The following PAIP2 variants were observed in gnomAD, a reference collection of about 807,000 sequenced individuals.
The protein encoded by PAIP2 is poly(A) binding protein interacting protein 2.
Under a neutral mutation model 14.8 loss-of-function variants are expected in PAIP2, and 7 were observed. That is an observed-to-expected ratio of 0.47 (90% confidence interval 0.27 to 0.89). PAIP2 has a LOEUF of 0.89. Ranked by LOEUF, PAIP2 falls within the 40% of genes least tolerant of loss-of-function variation. The pLI, the probability that PAIP2 is intolerant of heterozygous loss-of-function variation, is 0.13. For missense variants in PAIP2, 122 were observed against 154.7 expected (o/e 0.79, Z 1.12); for synonymous variants, 47 against 45.3 (o/e 1.04, Z -0.15).
intron 1 of PAIP2, 75 bp from the exon 2 acceptor site, chr5:139,363,681 TGAC>T: frequency 7.9e-7 from 1 of 1,264,992 alleles, no homozygotes; most frequent in Non-Finnish European, 1.1e-6. Flanking sequence ...CCAGCCTGGA[TGAC>T]GGAGTGAAAC....
chr5:139,357,109 C>T (rs548192525), intron 1 of PAIP2, among the ~76,000 whole-genome samples: 1 of 151,940 alleles, frequency 6.6e-6, no homozygotes, highest in African/African-American at 2.4e-5. Context: ...TTTTTAAATG[C>T]CTTTAAGCAA....
intron 1 of PAIP2, among the ~76,000 whole-genome samples, chr5:139,362,515 A>G (rs1053033359): frequency 5.3e-5 from 8 of 151,084 alleles, no homozygotes; most frequent in Non-Finnish European, 8.8e-5. Flanking sequence ...GGTTCAAGCA[A>G]TTCTCCTGCC....
At chr5:139,355,893 G>A (rs1756895360) in intron 1 of PAIP2, among the ~76,000 whole-genome samples, 1 of 150,616 alleles carries the variant, frequency 6.6e-6, no homozygotes, top group Admixed American at 6.6e-5. Context: ...GCTCACGCCT[G>A]TAATCCTAGC....
At chr5:139,351,011 T>C (rs546629248) in intron 1 of PAIP2, among the ~76,000 whole-genome samples, 41 of 152,074 alleles carry the variant, frequency 2.7e-4, no homozygotes, top group Non-Finnish European at 4.3e-4. Flanking sequence ...TATAAAAATA[T>C]TGAGAGAAAA....
intron 1 of PAIP2, among the ~76,000 whole-genome samples, chr5:139,343,635 C>T (rs142459681): frequency 6.6e-6 from 1 of 151,322 alleles, no homozygotes; most frequent in East Asian, 1.9e-4. Context: ...ACCTTTTGTG[C>T]TTTTAAAACA....
At chr5:139,364,189 A>G (rs146526275) in intron 2 of PAIP2, 54 of 476,768 alleles carry the variant, frequency 1.1e-4, no homozygotes, top group African/African-American at 8.7e-4. Flanking sequence ...GAGCTCTCAG[A>G]TGGTTCCATT....
rs574376387 is a variant in PAIP2 at position 139,342,278 on chromosome 5, C to G, written c.-27+298C>G. Among the ~76,000 whole-genome samples, 5 of 152,106 alleles carry G rather than the reference C, an allele frequency of 3.3e-5. No individual in the cohort carries two copies. In the South Asian group the frequency reaches 6.2e-4, roughly 19 times the overall value. On this transcript the variant is annotated intron_variant, in intron 1 of 3. Coordinates refer to ENST00000265192, the MANE Select transcript of PAIP2 (RefSeq NM_016480.5). ...GCGAGGGTTGCCGGGATAGCACTTTCTCCTGTTCCTCATTCTCCCGGTCCT... is the reference window on the plus strand; with the variant it reads ...GCGAGGGTTGCCGGGATAGCACTTTGTCCTGTTCCTCATTCTCCCGGTCCT...
chr5:139,355,326 T>G (rs2152049787), intron 1 of PAIP2, among the ~76,000 whole-genome samples: 1 of 151,646 alleles, frequency 6.6e-6, no homozygotes, highest in South Asian at 2.1e-4. Flanking sequence ...TGCACCCCCA[T>G]GCCCAGCTAA....
At chr5:139,359,372 C>T (rs1757006207) in intron 1 of PAIP2, among the ~76,000 whole-genome samples, 1 of 152,058 alleles carries the variant, frequency 6.6e-6, no homozygotes, top group Non-Finnish European at 1.5e-5. Flanking sequence ...CTCCTGACCT[C>T]AAGTGATCTG....
chr5:139,360,266 AATTATTTTCTT>A (rs1757030897), intron 1 of PAIP2, among the ~76,000 whole-genome samples: 1 of 151,294 alleles, frequency 6.6e-6, no homozygotes, highest in Non-Finnish European at 1.5e-5. Flanking sequence ...CACCCAGTCT[AATTATTTTCTT>A]TAGAGGAACT....
intron 1 of PAIP2, among the ~76,000 whole-genome samples, chr5:139,362,504 G>A (rs1222744271): frequency 7.0e-6 from 1 of 142,880 alleles, no homozygotes; most frequent in African/African-American, 2.6e-5. Flanking sequence ...TCCGCCTCCC[G>A]GGTTCAAGCA....
At chr5:139,345,729 G>A (rs930320535) in intron 1 of PAIP2, among the ~76,000 whole-genome samples, 13 of 150,560 alleles carry the variant, frequency 8.6e-5, no homozygotes, top group African/African-American at 2.9e-4. Context: ...CCGGGTTCAT[G>A]CCATTCTCTT....
chr5:139,359,823 T>G (rs2152052387), intron 1 of PAIP2, among the ~76,000 whole-genome samples: 1 of 151,188 alleles, frequency 6.6e-6, no homozygotes, highest in South Asian at 2.1e-4. Flanking sequence ...TACAAAAAAA[T>G]TAGCCGGCCA....
At chr5:139,363,663 A>AT (rs2152054697) in intron 1 of PAIP2, 96 bp from the exon 2 acceptor site, 1 of 1,066,140 alleles carries the variant, frequency 9.4e-7, no homozygotes, top group African/African-American at 1.6e-5. Context: ...TGATCACACC[A>AT]TTGCACTCCA....
chr5:139,358,325 A>G (rs1399334937), intron 1 of PAIP2, among the ~76,000 whole-genome samples: 3 of 152,238 alleles, frequency 2.0e-5, no homozygotes, highest in South Asian at 4.1e-4. Flanking sequence ...TAAATGCAAT[A>G]CTATTGTTGC....
At chr5:139,352,502 GTT>G (rs536704901) in intron 1 of PAIP2, among the ~76,000 whole-genome samples, 1 of 76,146 alleles carries the variant, frequency 1.3e-5, no homozygotes, top group Non-Finnish European at 3.3e-5. Flanking sequence ...TTTTTTTGTT[GTT>G]TTTTTTTTTT....
intron 1 of PAIP2, among the ~76,000 whole-genome samples, chr5:139,356,345 C>G (rs1367496505): frequency 6.6e-6 from 1 of 151,478 alleles, no homozygotes; most frequent in African/African-American, 2.4e-5. Context: ...ACTCGGGAGG[C>G]TGAGGCAGGA....
At chr5:139,354,226 T>C (rs963769925) in intron 1 of PAIP2, among the ~76,000 whole-genome samples, 45 of 152,330 alleles carry the variant, frequency 3.0e-4, no homozygotes, top group African/African-American at 1.1e-3. Flanking sequence ...TGACAAACTC[T>C]GTCCATTTTT....
rs532849863 is a variant in PAIP2, at chr5:139,348,491, A to G, written c.-27+6511A>G. ...TGCCTCGGCCTCCTGAGTAGCTGGG[A>G]CTACAGGTGCCTGCCACCATACTTG... On this transcript the variant is annotated intron_variant, in intron 1 of 3. Coordinates refer to ENST00000265192, the MANE Select transcript of PAIP2 (RefSeq NM_016480.5). Among the ~76,000 whole-genome samples the G allele has an allele frequency of 2.0e-5, 3 of 151,494 alleles. No homozygotes were observed. In the East Asian group the frequency reaches 5.8e-4, roughly 29 times the overall value.
Sources: gnomAD v4.1 joint callset for allele counts (sites outside exome capture counted in the v4.1 genomes callset) on GRCh38, gnomAD v4.1.1 for gene constraint, MANE v1.5 for transcripts, NCBI Gene and HGNC (gene_info 2026-07-23, HGNC 2026-07-21) for gene names.